The following LCORL variants were observed in gnomAD, a reference collection of about 807,000 sequenced individuals.
LCORL encodes the protein ligand-dependent nuclear receptor corepressor-like protein.
In LCORL, 41 loss-of-function variants were observed where a neutral mutation model predicts 141.8. That is an observed-to-expected ratio of 0.29 (90% CI 0.23 to 0.38). The LOEUF is 0.38. LCORL is among the 10% of genes least tolerant of loss of function. The pLI, the probability that LCORL is intolerant of heterozygous loss-of-function variation, is 1.00. For synonymous variants in LCORL, 618 were observed against 694.1 expected (o/e 0.89, Z 1.72); for missense variants, 1,759 against 2,035.0 (o/e 0.86, Z 2.61).
intron 4 of LCORL, among the ~76,000 whole-genome samples, chr4:17,941,325 GCA>G (rs1173368737): frequency 1.3e-5 from 2 of 152,024 alleles, no homozygotes; most frequent in African/African-American, 4.8e-5. Flanking sequence ...TACTATATAT[GCA>G]CTTATACATT....
chr4:17,967,432 A>G (rs894898431), intron 2 of LCORL, among the ~76,000 whole-genome samples: 4 of 152,162 alleles, frequency 2.6e-5, no homozygotes, highest in Non-Finnish European at 5.9e-5. Flanking sequence ...TAATTTATCA[A>G]TTGGGTTCAA....
intron 1 of LCORL, among the ~76,000 whole-genome samples, chr4:17,999,220 G>A (rs1222892049): frequency 9.2e-5 from 8 of 87,308 alleles, no homozygotes; most frequent in African/African-American, 2.6e-4. Context: ...TTGGGAGGCC[G>A]AGGCGGGAGG....
rs553356668 is a variant in LCORL at position 18,007,154 on chromosome 4, TA to T, written c.154+14443del. Among the ~76,000 whole-genome samples the T allele has an allele frequency of 2.9e-3, 446 of 152,320 alleles. 1 individual carries two copies. Among genetic ancestry groups the T allele is most frequent in the Non-Finnish European group, 4.2e-3 (286 of 68,014 alleles). On this transcript the variant is annotated intron_variant, in intron 1 of 7. Transcript: ENST00000635767. ...AATCTTATAAAACCACAAATTAAAC[TA>T]TATCACTCCCATGCTTAAAATTCTT...
intron 5 of LCORL, among the ~76,000 whole-genome samples, chr4:17,901,166 A>G (rs1730807517): frequency 6.6e-6 from 1 of 152,130 alleles, no homozygotes. Context: ...ATATGAAGAA[A>G]AAAAAAAGAA....
At position 17,884,135 on chromosome 4, in the gene LCORL, T is replaced by C. The variant is rs1011068515; in HGVS notation, c.776+1933A>G. ...TGAGTGAGTTACAGGCCCAGAACAT[T>C]CTATTTTGTTCTGTTTAGGGAGTAT... is the stretch of plus-strand genomic sequence containing the variant. On this transcript the variant is annotated intron_variant, in intron 6 of 7. Transcript: ENST00000635767. This position sits in a 1 kb window ranked among gnomAD's most constrained non-coding sequence, Gnocchi z 4.4. The C allele has an allele frequency of 2.6e-6, 4 of 1,550,342 alleles. No individual in the cohort carries two copies. The African/African-American group carries it at 5.5e-5, about 21-fold the overall frequency.
exon 7 of LCORL, chr4:17,875,380 T>C: frequency 8.1e-7 from 1 of 1,231,336 alleles, no homozygotes. Context: ...CTTTCAGTAG[T>C]CAAGCTTGCT....
intron 4 of LCORL, among the ~76,000 whole-genome samples, chr4:17,943,028 G>A (rs1404188721): frequency 5.3e-5 from 8 of 152,078 alleles, no homozygotes; most frequent in Non-Finnish European, 8.8e-5. Context: ...GTTTTATCCC[G>A]AAACCATCTC....
At chr4:17,982,927 G>A (rs1718277966) in intron 1 of LCORL, among the ~76,000 whole-genome samples, 1 of 152,106 alleles carries the variant, frequency 6.6e-6, no homozygotes, top group Non-Finnish European at 1.5e-5. Flanking sequence ...AATCCATCTT[G>A]AGTTAATTTT....
At chr4:17,869,749 G>A (rs183885699) in intron 7 of LCORL, among the ~76,000 whole-genome samples, 28 of 151,994 alleles carry the variant, frequency 1.8e-4, no homozygotes, top group African/African-American at 6.3e-4. Flanking sequence ...AAACAGATCC[G>A]TATGTTTAGG....
intron 4 of LCORL, among the ~76,000 whole-genome samples, chr4:17,921,945 A>C (rs921806765): frequency 6.6e-6 from 1 of 151,232 alleles, no homozygotes; most frequent in Non-Finnish European, 1.5e-5. Flanking sequence ...CAGCTTTTGG[A>C]CTCTTGGACC....
At chr4:17,946,601 T>G (rs570747830) in intron 4 of LCORL, among the ~76,000 whole-genome samples, 1 of 152,034 alleles carries the variant, frequency 6.6e-6, no homozygotes, top group African/African-American at 2.4e-5. Context: ...AGTTTAAAAT[T>G]TACTAAGATC....
intron 4 of LCORL, among the ~76,000 whole-genome samples, chr4:17,933,437 AT>A (rs1274856475): frequency 6.6e-6 from 1 of 152,004 alleles, no homozygotes; most frequent in East Asian, 1.9e-4. Flanking sequence ...AAGACTCTAT[AT>A]TTTCAGTCAA....
chr4:17,905,344 A>C (rs1164559056), intron 5 of LCORL, among the ~76,000 whole-genome samples: 1 of 152,076 alleles, frequency 6.6e-6, no homozygotes, highest in Non-Finnish European at 1.5e-5. Context: ...TTTTTAATTT[A>C]GAAAATTAAG....
At position 17,897,213 on chromosome 4, in the gene LCORL, C is replaced by CCTTTTTTTTTTTTT. The variant is rs1553863446; in HGVS notation, c.683-11053_683-11052insAAAAAAAAAAAAAG. On this transcript the variant is annotated intron_variant, in intron 5 of 7. Coordinates refer to ENST00000635767, the Ensembl canonical transcript of LCORL. ...AGACTTCTCTTTGATATACTGATTT[C>CCTTTTTTTTTTTTT]TTTTTTTTTTTTTTTTTTTTTTTTT... Among the ~76,000 whole-genome samples the CCTTTTTTTTTTTTT allele has an allele frequency of 2.5e-3, 162 of 63,986 alleles. 76 individuals carry two copies. The highest frequency in any genetic ancestry group is 4.9e-3 in the East Asian group (10 of 2,040). 42.0% of individuals were successfully genotyped at this position (63,986 alleles called of 152,430 possible).
At chr4:17,959,137 A>T (rs986396664) in intron 4 of LCORL, among the ~76,000 whole-genome samples, 2 of 152,066 alleles carry the variant, frequency 1.3e-5, no homozygotes, top group African/African-American at 4.8e-5. Context: ...CCTACAACCT[A>T]TTTATTATTA....
At chr4:18,001,422 T>G (rs971086253) in intron 1 of LCORL, among the ~76,000 whole-genome samples, 15 of 152,226 alleles carry the variant, frequency 9.9e-5, no homozygotes, top group Non-Finnish European at 8.8e-5. Flanking sequence ...GCAGGTAGGC[T>G]ATGCTGAGCT....
In LCORL at chr4:17,961,982, T is replaced by A. The variant is rs1023457991; in HGVS notation, c.351A>T (p.Leu117=). The change falls in exon 4 of 8, where the codon CTA becomes CTT. Residue 117 remains leucine (L), a synonymous_variant. Transcript: ENST00000635767. ...CAGTGTTGGACTGGCCCTGAGATGA[T>A]AGCTCCTCTGTTGGTGTTGACTGTG... 1.9e-6 allele frequency: 3 copies of A among 1,609,360 alleles called. No homozygotes were observed. The African/African-American group carries it at 4.0e-5, about 22-fold the overall frequency.
rs150071888 is a variant in LCORL, at chr4:17,929,050, C to T, written c.431-19705G>A. The stretch of plus-strand genomic sequence containing the variant: ...AATTTTTAAAAAATCACATTTACTA[C>T]AGCATCACAAATAAAATACTTACAA... On this transcript the variant is annotated intron_variant, in intron 4 of 7. Transcript: ENST00000635767. Among the ~76,000 whole-genome samples, 18 of 152,216 alleles carry T rather than the reference C, an allele frequency of 1.2e-4. No homozygotes were observed. The East Asian group carries it at 3.5e-3, about 29-fold the overall frequency.
At chr4:18,013,813 T>C (rs1043889758) in intron 1 of LCORL, among the ~76,000 whole-genome samples, 2 of 129,270 alleles carry the variant, frequency 1.5e-5, no homozygotes, top group Admixed American at 1.6e-4. Flanking sequence ...TAGGTTGCAG[T>C]TGAATTTTTT....
Sources: allele counts gnomAD v4.1 joint callset (sites outside exome capture counted in the v4.1 genomes callset), GRCh38; gene constraint gnomAD v4.1.1; non-coding constraint Gnocchi (gnomAD v3.1); transcripts MANE v1.5; gene names NCBI Gene and HGNC (gene_info 2026-07-23, HGNC 2026-07-21).